SLCO4C1: variants seen among roughly 807,000 people sequenced by gnomAD.
SLCO4C1 encodes organic anion transporter M1.
Under a neutral mutation model 72.1 loss-of-function variants are expected in SLCO4C1, and 58 were observed. The ratio of observed to expected loss-of-function variants is 0.80; its 90% confidence interval spans 0.65 to 1.00. The LOEUF (loss-of-function observed/expected upper bound fraction) is 1.00, where lower values mean the gene tolerates loss of function less well. Among genes scored for constraint, SLCO4C1 ranks in the 50% least tolerant of loss-of-function variants. SLCO4C1 has a pLI of 0.00. For synonymous variants in SLCO4C1, 297 were observed against 312.5 expected (o/e 0.95, Z 0.52); for missense variants, 898 against 857.9 (o/e 1.05, Z -0.58).
intron 10 of SLCO4C1, among the ~76,000 whole-genome samples, chr5:102,242,135 G>A (rs1252692031): frequency 1.3e-5 from 2 of 152,190 alleles, no homozygotes; most frequent in Non-Finnish European, 2.9e-5. Context: ...TGCCCACAGA[G>A]GGAGTATTTA....
chr5:102,239,411 A>G, intron 11 of SLCO4C1, 23 bp from the exon 12 acceptor site: 1 of 1,521,466 alleles, frequency 6.6e-7, no homozygotes, highest in South Asian at 1.3e-5. Flanking sequence ...TGGGTGAAAT[A>G]TACAACAGTA....
At chr5:102,269,025 C>T (rs961993021) in intron 3 of SLCO4C1, among the ~76,000 whole-genome samples, 4 of 151,480 alleles carry the variant, frequency 2.6e-5, no homozygotes, top group African/African-American at 9.7e-5. Flanking sequence ...TGTAAGGTTT[C>T]TGCTGAGAAA....
At chr5:102,242,181 C>T (rs1647630823) in intron 10 of SLCO4C1, among the ~76,000 whole-genome samples, 1 of 152,206 alleles carries the variant, frequency 6.6e-6, no homozygotes, top group Non-Finnish European at 1.5e-5. Context: ...TCCTATGCAG[C>T]AGTCCAAACT....
At chr5:102,288,688 C>A (rs1749499101) in intron 2 of SLCO4C1, among the ~76,000 whole-genome samples, 1 of 152,170 alleles carries the variant, frequency 6.6e-6, no homozygotes, top group African/African-American at 2.4e-5. Context: ...CCAAAACGGA[C>A]TATTCCTAAA....
At chr5:102,248,580 A>G (rs982795245) in intron 9 of SLCO4C1, among the ~76,000 whole-genome samples, 2 of 152,142 alleles carry the variant, frequency 1.3e-5, no homozygotes, top group Non-Finnish European at 1.5e-5. Flanking sequence ...TTATGTGACT[A>G]AAACCCTTCC....
chr5:102,250,650 T>C (rs1442502823), intron 8 of SLCO4C1, among the ~76,000 whole-genome samples: 1 of 152,084 alleles, frequency 6.6e-6, no homozygotes. Flanking sequence ...AGCCAAAGTT[T>C]AGAGAAAAGG....
At position 102,291,495 on chromosome 5, in the gene SLCO4C1, CAG is replaced by C; in HGVS notation, c.465_466del (p.Phe155LeufsTer12). 1 of 1,614,102 alleles carries C rather than the reference CAG, an allele frequency of 6.2e-7. No individual in the cohort carries two copies. The highest frequency in any genetic ancestry group is 1.3e-5 in the African/African-American group (1 of 75,034). ...GAATGATACAAATAAAGACAACAAACAGAATGAAATATCGTAGCTTGATGAAA... is the reference window on the plus strand; with the variant it reads ...GAATGATACAAATAAAGACAACAAACAATGAAATATCGTAGCTTGATGAAA... On this transcript the variant is annotated frameshift_variant, in exon 2 of 13. Coordinates refer to ENST00000310954, the MANE Select transcript of SLCO4C1 (RefSeq NM_180991.5). LOFTEE classifies it high-confidence loss of function.
intron 7 of SLCO4C1, 26 bp downstream of exon 7, chr5:102,257,916 TA>T (rs1346561227): frequency 1.3e-6 from 2 of 1,577,366 alleles, no homozygotes; most frequent in Admixed American, 3.9e-5. Context: ...GTAAAATTTT[TA>T]GGTTAAGATA....
At chr5:102,295,081 A>C (rs1484588988) in intron 1 of SLCO4C1, among the ~76,000 whole-genome samples, 1 of 152,006 alleles carries the variant, frequency 6.6e-6, no homozygotes, top group Non-Finnish European at 1.5e-5. Context: ...TTAACTTCCT[A>C]TTTTCCTTCA....
intron 3 of SLCO4C1, among the ~76,000 whole-genome samples, chr5:102,266,538 T>C (rs1749043218): frequency 1.3e-5 from 2 of 152,006 alleles, no homozygotes; most frequent in South Asian, 4.1e-4. Flanking sequence ...TAATCCCAGC[T>C]ACTTGGGAGG....
At chr5:102,253,092 C>A (rs2112350302) in intron 8 of SLCO4C1, among the ~76,000 whole-genome samples, 1 of 152,024 alleles carries the variant, frequency 6.6e-6, no homozygotes, top group South Asian at 2.1e-4. Flanking sequence ...AAAATTCTAG[C>A]TAAAGATCAG....
chr5:102,295,817 G>T (rs1474387659), intron 1 of SLCO4C1, 91 bp downstream of exon 1: 36 of 1,318,346 alleles, frequency 2.7e-5, no homozygotes, highest in Non-Finnish European at 1.0e-6. Context: ...CCGTCCCACG[G>T]ACCCCGCGCA....
In SLCO4C1 at chr5:102,234,700, C is replaced by T. The variant is rs533787168; in HGVS notation, c.*2158G>A. On this transcript the variant is annotated 3_prime_UTR_variant, in exon 13 of 13. Coordinates refer to ENST00000310954, the MANE Select transcript of SLCO4C1 (RefSeq NM_180991.5). ...TTTCTTCCTTACTGCCATTTCACAT[C>T]TCCATCAGTGAGTTCCTCAGGATTT... The T allele has an allele frequency of 2.0e-5, 3 of 152,300 alleles. No homozygotes were observed. Among genetic ancestry groups the T allele is most frequent in the African/African-American group, 7.2e-5 (3 of 41,560 alleles). The allele number at this position is 152,300 out of a possible 1,614,324, so 9.4% of individuals were successfully genotyped here.
chr5:102,247,165 A>G, intron 10 of SLCO4C1, 87 bp downstream of exon 10: 2 of 1,051,500 alleles, frequency 1.9e-6, no homozygotes, highest in Non-Finnish European at 1.3e-6. Context: ...CCAATGGTCA[A>G]TATGAACCCC....
rs949329490 is a variant in SLCO4C1, at chr5:102,257,217, A to T, written c.1367T>A (p.Phe456Tyr). Residue 456 changes from phenylalanine (F) to tyrosine (Y), a missense_variant, in exon 8 of 13, where the codon TTT becomes TAT. Transcript: ENST00000310954. ...TGCAACTCCAGATGTGAACAGTGCA[A>T]ACTTCATTGTGTTTTTACATGTCAT... ...FRMTCKNTMK[F>Y]ALFTSGVALT... is the part of the protein sequence containing the mutation. 2.5e-6 allele frequency: 4 copies of T among 1,611,960 alleles called. No individual in the cohort carries two copies. The Middle Eastern group carries it at 5.0e-4, about 200-fold the overall frequency.
At chr5:102,285,282 T>A (rs1749431959) in intron 2 of SLCO4C1, among the ~76,000 whole-genome samples, 1 of 151,770 alleles carries the variant, frequency 6.6e-6, no homozygotes. Context: ...CATATATATT[T>A]TTTTTTGTTT....
chr5:102,270,464 A>C (rs1425497291), intron 3 of SLCO4C1, among the ~76,000 whole-genome samples, 160 bp downstream of exon 3: 2 of 152,174 alleles, frequency 1.3e-5, no homozygotes, highest in African/African-American at 2.4e-5. Context: ...TACTGACATT[A>C]TTTGGCAGGA....
At position 102,257,105 on chromosome 5, in the gene SLCO4C1, T is replaced by A. The variant is rs261101; in HGVS notation, c.1469+10A>T. On this transcript the variant is annotated intron_variant, in intron 8 of 12. Coordinates refer to ENST00000310954, the MANE Select transcript of SLCO4C1 (RefSeq NM_180991.5). Reference sequence around the variant, plus strand: ...GGTATTAATATCAAAAAGCACTGAATTGTATTTACCCATTATATGATTCAG... The same window carrying A: ...GGTATTAATATCAAAAAGCACTGAAATGTATTTACCCATTATATGATTCAG... 0.73 allele frequency: 1,094,967 copies of A among 1,504,140 alleles called. 399,328 individuals carry two copies. The highest frequency in any genetic ancestry group is 0.81 in the Middle Eastern group (4,553 of 5,624). The allele number at this position is 1,504,140 out of a possible 1,614,324, so 93.2% of individuals were successfully genotyped here. A position where few individuals can be genotyped will look rare whatever the true frequency, so the allele number is the denominator to read the frequency against.
At chr5:102,264,323 T>C (rs1225897105) in intron 3 of SLCO4C1, among the ~76,000 whole-genome samples, 1 of 152,134 alleles carries the variant, frequency 6.6e-6, no homozygotes, top group African/African-American at 2.4e-5. Context: ...AGCTTATTTC[T>C]ATCTGTGAGA....
Sources: allele counts gnomAD v4.1 joint callset (sites outside exome capture counted in the v4.1 genomes callset), GRCh38; gene constraint gnomAD v4.1.1; transcripts MANE v1.5; gene names NCBI Gene and HGNC (gene_info 2026-07-23, HGNC 2026-07-21).